ANKRD30A: variants seen among roughly 807,000 people sequenced by gnomAD.
ANKRD30A encodes ankyrin repeat domain 30A.
ANKRD30A carries 170 observed loss-of-function variants against 166.3 expected under a neutral mutation model. The observed-to-expected ratio is 1.02, with a 90% CI of 0.90 to 1.16. The LOEUF (loss-of-function observed/expected upper bound fraction) is 1.16, where lower values mean the gene tolerates loss of function less well. Ranked by LOEUF, ANKRD30A falls within the 50% of genes most tolerant of loss-of-function variation. The pLI is 0.00. For synonymous variants in ANKRD30A, 564 were observed against 508.9 expected (o/e 1.11, Z -1.46); for missense variants, 1,630 against 1,518.0 (o/e 1.07, Z -1.23).
chr10:37,191,164 C>A (rs747946213), intron 25 of ANKRD30A, among the ~76,000 whole-genome samples: 40 of 151,060 alleles, frequency 2.6e-4, no homozygotes, highest in Non-Finnish European at 4.7e-4. Context: ...ATTTGCTATT[C>A]CTTGATGAGA....
At chr10:37,155,938 G>C (rs930461718) in intron 13 of ANKRD30A, among the ~76,000 whole-genome samples, 1 of 151,906 alleles carries the variant, frequency 6.6e-6, no homozygotes, top group East Asian at 1.9e-4. Context: ...AAAATTAGCC[G>C]GGCGTGGTGG....
rs1835955922 is a variant in ANKRD30A at position 37,125,731 on chromosome 10, G to T, written c.-57G>T. On this transcript the variant is annotated 5_prime_UTR_variant, in exon 1 of 36. Coordinates refer to ENST00000361713, the MANE Select transcript of ANKRD30A (RefSeq NM_052997.3). ...GGGCGATTGGGGAGGGGTGGGGGGT[G>T]GTGGCTGGGAAGGGCGATCGGGAGG... 3.5e-6 allele frequency: 2 copies of T among 566,502 alleles called. No homozygotes were observed. Among genetic ancestry groups the T allele is most frequent in the Admixed American group, 3.1e-5 (1 of 32,748 alleles). The allele number at this position is 566,502 out of a possible 1,614,324, so 35.1% of individuals were successfully genotyped here.
chr10:37,217,323 G>C (rs1216125152), intron 32 of ANKRD30A, among the ~76,000 whole-genome samples: 10 of 150,920 alleles, frequency 6.6e-5, no homozygotes, highest in Non-Finnish European at 1.5e-4. Context: ...ACTTTAATCA[G>C]TCACTTTAAT....
At chr10:37,237,192 C>T (rs1390587586), downstream of ANKRD30A, among the ~76,000 whole-genome samples, 1 of 152,176 alleles carries the variant, frequency 6.6e-6, no homozygotes, top group Non-Finnish European at 1.5e-5. Flanking sequence ...CAGTCTCAGA[C>T]GGAAGACCTA....
chr10:37,248,302 C>A, the ANKRD30A span: 1 of 462,652 alleles, frequency 2.2e-6, no homozygotes. Flanking sequence ...CTGTTCAGTT[C>A]TGGTCATCTG....
In ANKRD30A at chr10:37,136,635, C is replaced by A. The variant is rs769081186; in HGVS notation, c.784C>A (p.Arg262=). 1 of 1,407,438 alleles carries A rather than the reference C, an allele frequency of 7.1e-7. No homozygotes were observed. The highest frequency in any genetic ancestry group is 2.1e-5 in the Admixed American group (1 of 48,768). 87.2% of individuals were successfully genotyped at this position (1,407,438 alleles called of 1,614,324 possible). ...HIHEQIMEYI[R]KLSKNHQNTN... is the part of the protein sequence containing the mutation. ...TCATGAACAAATTATGGAATATATA[C>A]GAAAATTATCTAAAAATCATCAAAA... Residue 262 remains arginine (R), a synonymous_variant, in exon 6 of 36, where the codon CGA becomes AGA. Coordinates refer to ENST00000361713, the MANE Select transcript of ANKRD30A (RefSeq NM_052997.3).
intron 8 of ANKRD30A, among the ~76,000 whole-genome samples, chr10:37,147,095 T>G (rs1234395744): frequency 1.3e-5 from 2 of 152,270 alleles, no homozygotes; most frequent in African/African-American, 4.8e-5. Flanking sequence ...TGAGCTACTT[T>G]TTGAAATATG....
chr10:37,202,618 G>A (rs572477898), intron 31 of ANKRD30A, among the ~76,000 whole-genome samples: 1 of 152,096 alleles, frequency 6.6e-6, no homozygotes, highest in East Asian at 1.9e-4. Flanking sequence ...GCTAGCAGAA[G>A]GCAAGAAATA....
At chr10:37,137,951 C>A (rs1030111433) in intron 6 of ANKRD30A, among the ~76,000 whole-genome samples, 11 of 152,164 alleles carry the variant, frequency 7.2e-5, no homozygotes, top group African/African-American at 2.7e-4. Flanking sequence ...CCCAGACCCT[C>A]GAGTAGCCTA....
the ANKRD30A span, among the ~76,000 whole-genome samples, chr10:37,245,310 C>T: frequency 6.6e-6 from 1 of 151,888 alleles, no homozygotes; most frequent in Non-Finnish European, 1.5e-5. Context: ...TGCTAAACTC[C>T]TTGTTATTTT....
chr10:37,154,627 A>G (rs1838226084), intron 13 of ANKRD30A, among the ~76,000 whole-genome samples: 1 of 152,120 alleles, frequency 6.6e-6, no homozygotes, highest in Admixed American at 6.5e-5. Context: ...AAATTTTCAC[A>G]GGTGTTGAAT....
At chr10:37,200,800 T>C (rs1311571873) in intron 30 of ANKRD30A, among the ~76,000 whole-genome samples, 1 of 152,108 alleles carries the variant, frequency 6.6e-6, no homozygotes, top group Non-Finnish European at 1.5e-5. Context: ...ACAGGCATCA[T>C]TTTTAACATT....
At chr10:37,150,498 A>G (rs1837846343) in intron 11 of ANKRD30A, among the ~76,000 whole-genome samples, 2 of 152,024 alleles carry the variant, frequency 1.3e-5, no homozygotes, top group Non-Finnish European at 2.9e-5. Context: ...ACACTAACCT[A>G]CTTTTTAAAA....
At chr10:37,164,938 A>G (rs1231048790) in intron 17 of ANKRD30A, among the ~76,000 whole-genome samples, 156 bp from the exon 18 acceptor site, 7 of 152,096 alleles carry the variant, frequency 4.6e-5, no homozygotes, top group African/African-American at 1.7e-4. Flanking sequence ...TTCTTTTGGA[A>G]TGACTATAGA....
chr10:37,209,592 T>G lies in ANKRD30A; in HGVS notation c.2870-6589T>G, dbSNP rs376747603. 2.3e-4 allele frequency among the ~76,000 whole-genome samples: 35 copies of G among 152,266 alleles called. 1 individual carries two copies. The highest frequency in any genetic ancestry group is 7.5e-4 in the African/African-American group (31 of 41,564). Reference sequence around the variant, plus strand: ...TACTGCCAACATTGGAGATGACATTTCAATGGGAGATTTTGGTGGGGACAC... The same window carrying G: ...TACTGCCAACATTGGAGATGACATTGCAATGGGAGATTTTGGTGGGGACAC... On this transcript the variant is annotated intron_variant, in intron 31 of 35. Transcript: ENST00000361713.
chr10:37,190,359 G>A (rs1840441312), intron 25 of ANKRD30A, among the ~76,000 whole-genome samples: 1 of 151,780 alleles, frequency 6.6e-6, no homozygotes. Context: ...CAGAGCAACT[G>A]GATAGAAGGT....
the ANKRD30A span, among the ~76,000 whole-genome samples, chr10:37,259,587 C>G: frequency 6.6e-6 from 1 of 152,170 alleles, no homozygotes; most frequent in South Asian, 2.1e-4. Flanking sequence ...CTGGAAGCAA[C>G]CCAGTTGTGC....
intron 15 of ANKRD30A, among the ~76,000 whole-genome samples, chr10:37,162,268 C>CT (rs1283345853): frequency 6.6e-6 from 1 of 152,074 alleles, no homozygotes; most frequent in Non-Finnish European, 1.5e-5. Flanking sequence ...AACTATGTAC[C>CT]TTTCCGAAGA....
chr10:37,207,417 T>C (rs934021444), intron 31 of ANKRD30A, among the ~76,000 whole-genome samples: 5 of 152,158 alleles, frequency 3.3e-5, no homozygotes, highest in Admixed American at 2.6e-4. Context: ...AAATGGGCTC[T>C]AAATGATTAA....
Sources: gnomAD v4.1 joint callset for allele counts (sites outside exome capture counted in the v4.1 genomes callset) on GRCh38, gnomAD v4.1.1 for gene constraint, MANE v1.5 for transcripts, NCBI Gene and HGNC (gene_info 2026-07-23, HGNC 2026-07-21) for gene names.